The following RORA variants were observed in gnomAD, a reference collection of about 807,000 sequenced individuals.
The protein encoded by RORA is RAR related orphan receptor A.
In RORA, 7 loss-of-function variants were observed where a neutral mutation model predicts 69.5. That is an observed-to-expected ratio of 0.10 (90% confidence interval 0.06 to 0.19). RORA has a LOEUF of 0.19. Among genes scored for constraint, RORA ranks in the 10% least tolerant of loss-of-function variants. RORA has a pLI of 1.00. For synonymous variants in RORA, 261 were observed against 240.8 expected, an observed-to-expected ratio of 1.08 and a Z score of -0.78; for missense variants, 457 against 663.0, an observed-to-expected ratio of 0.69 and a Z score of 3.41.
intron 1 of RORA, among the ~76,000 whole-genome samples, chr15:60,752,968 C>G (rs184535090): frequency 5.6e-4 from 86 of 152,260 alleles, no homozygotes; most frequent in African/African-American, 1.9e-3. Context: ...TTTTTGGCCC[C>G]TTTTCAAAAC....
At chr15:60,750,506 T>C (rs373127560) in intron 1 of RORA, among the ~76,000 whole-genome samples, 12 of 152,354 alleles carry the variant, frequency 7.9e-5, no homozygotes, top group African/African-American at 2.9e-4. Context: ...GATGCTACCG[T>C]GTTCAACCTT....
At chr15:61,074,873 G>A (rs1249450773) in intron 1 of RORA, among the ~76,000 whole-genome samples, 1 of 151,950 alleles carries the variant, frequency 6.6e-6, no homozygotes, top group Non-Finnish European at 1.5e-5. Context: ...TATCACTTGG[G>A]GTCACGAGTT....
At chr15:60,867,549 G>A (rs2073504389) in intron 1 of RORA, among the ~76,000 whole-genome samples, 1 of 152,206 alleles carries the variant, frequency 6.6e-6, no homozygotes, top group African/African-American at 2.4e-5. Flanking sequence ...ACAGATGGGA[G>A]TTCATAGGCT....
At chr15:61,186,790 C>T (rs2079747480) in intron 1 of RORA, among the ~76,000 whole-genome samples, 2 of 152,058 alleles carry the variant, frequency 1.3e-5, no homozygotes, top group South Asian at 4.2e-4. Context: ...AACATGAAAA[C>T]TACTCCTTCC....
chr15:60,497,235 A>G lies in RORA; in HGVS notation c.*220T>C. ...AAGTCAAGACAGAAAAAGGGTCCAT[A>G]TCTGTAGGCATAATGGAAATCATAT... On this transcript the variant is annotated 3_prime_UTR_variant, in exon 11 of 11. Transcript: ENST00000335670. The G allele has an allele frequency of 2.1e-6, 1 of 483,908 alleles. No individual in the cohort carries two copies. The highest frequency in any genetic ancestry group is 1.9e-5 in the African/African-American group (1 of 51,536). The allele number at this position is 483,908 out of a possible 1,614,324, so 30.0% of individuals were successfully genotyped here. A position where few individuals can be genotyped will look rare whatever the true frequency, so the allele number is the denominator to read the frequency against.
chr15:60,812,880 A>C (rs2072763007), intron 1 of RORA, among the ~76,000 whole-genome samples: 1 of 152,228 alleles, frequency 6.6e-6, no homozygotes, highest in African/African-American at 2.4e-5. Context: ...CAGAAGGGGC[A>C]TGTCCTATCA....
chr15:60,676,445 A>G (rs1307757718), intron 2 of RORA, among the ~76,000 whole-genome samples: 2 of 152,152 alleles, frequency 1.3e-5, no homozygotes. Flanking sequence ...TCATTCGGCC[A>G]TTTTTTATTC....
chr15:61,200,979 A>C (rs146792736), intron 1 of RORA, among the ~76,000 whole-genome samples: 3 of 152,380 alleles, frequency 2.0e-5, no homozygotes, highest in Admixed American at 2.0e-4. Context: ...TGTTTTAACA[A>C]ATGCAGAAGA....
At chr15:61,219,440 T>C (rs1382003434) in intron 1 of RORA, among the ~76,000 whole-genome samples, 5 of 152,164 alleles carry the variant, frequency 3.3e-5, no homozygotes, top group Non-Finnish European at 4.4e-5. Context: ...CTGGGCGCGG[T>C]GGCTGGCGCC....
intron 1 of RORA, among the ~76,000 whole-genome samples, chr15:61,119,813 A>C (rs917911515): frequency 2.0e-5 from 3 of 152,224 alleles, no homozygotes; most frequent in Non-Finnish European, 4.4e-5. Flanking sequence ...CCCTGGGGAC[A>C]TGAAATTCCA....
chr15:60,897,430 A>G (rs1000409766), intron 1 of RORA, among the ~76,000 whole-genome samples: 7 of 152,202 alleles, frequency 4.6e-5, no homozygotes, highest in African/African-American at 1.7e-4. Context: ...CTTCTCCTGT[A>G]GAGGAAGAGG....
chr15:60,944,878 G>A (rs758626906), intron 1 of RORA, among the ~76,000 whole-genome samples: 1 of 152,128 alleles, frequency 6.6e-6, no homozygotes, highest in Non-Finnish European at 1.5e-5. Context: ...CATGCCCAAC[G>A]TGGTCTGACT....
chr15:60,929,447 C>G (rs900710790), intron 1 of RORA, among the ~76,000 whole-genome samples: 2 of 152,192 alleles, frequency 1.3e-5, no homozygotes, highest in African/African-American at 2.4e-5. Context: ...TTCAAACACA[C>G]TCAAGGGGAG....
chr15:60,596,979 A>C (rs1047682677), intron 2 of RORA, among the ~76,000 whole-genome samples: 3 of 152,146 alleles, frequency 2.0e-5, no homozygotes, highest in African/African-American at 7.2e-5. Context: ...AAACAAGAAT[A>C]AGACAGTAGC....
At chr15:60,506,926 G>T (rs2065523427) in intron 5 of RORA, among the ~76,000 whole-genome samples, 1 of 151,988 alleles carries the variant, frequency 6.6e-6, no homozygotes, top group Non-Finnish European at 1.5e-5. Context: ...GCTGGAGGTT[G>T]CAGTGAGCCG....
At chr15:60,895,559 C>T (rs938023820) in intron 1 of RORA, among the ~76,000 whole-genome samples, 3 of 136,540 alleles carry the variant, frequency 2.2e-5, no homozygotes, top group Non-Finnish European at 3.2e-5. Flanking sequence ...CTCCACCCCC[C>T]TCTCAGAATG....
chr15:60,677,517 C>T (rs2070571714), intron 2 of RORA, among the ~76,000 whole-genome samples: 1 of 151,918 alleles, frequency 6.6e-6, no homozygotes, highest in Non-Finnish European at 1.5e-5. Context: ...CGTGGAGAGA[C>T]TGCAGGACAG....
rs2079162344 is a variant in RORA, at chr15:61,128,532, G to A, written c.166+100521C>T. 6.6e-6 allele frequency among the ~76,000 whole-genome samples: 1 copy of A among 152,166 alleles called. No individual in the cohort carries two copies. The highest frequency in any genetic ancestry group is 1.5e-5 in the Non-Finnish European group (1 of 68,030). ...ATGAGCACAGACCTATGACGCTGTT[G>A]ATTACGTTAGATAACTCAGGGATAC... On this transcript the variant is annotated intron_variant, in intron 1 of 10. Coordinates refer to ENST00000335670, the MANE Select transcript of RORA (RefSeq NM_134261.3). The surrounding 1 kb of genome is among the most constrained non-coding windows in gnomAD (Gnocchi z 4.5).
intron 1 of RORA, chr15:61,212,016 T>C (rs149972575): frequency 6.6e-6 from 1 of 152,294 alleles, no homozygotes; most frequent in East Asian, 1.9e-4. Context: ...AAAAAAATTC[T>C]TTCACTTAGT....
Sources: allele counts gnomAD v4.1 joint callset (sites outside exome capture counted in the v4.1 genomes callset), GRCh38; gene constraint gnomAD v4.1.1; non-coding constraint Gnocchi (gnomAD v3.1); transcripts MANE v1.5; gene names NCBI Gene and HGNC (gene_info 2026-07-23, HGNC 2026-07-21).